The following DRD2 variants were observed in gnomAD, a reference collection of about 807,000 sequenced individuals.
DRD2 encodes dopamine receptor D2.
Under a neutral mutation model 38.0 loss-of-function variants are expected in DRD2, and 8 were observed. The ratio of observed to expected loss-of-function variants is 0.21; its 90% CI spans 0.12 to 0.38. The LOEUF (loss-of-function observed/expected upper bound fraction) is 0.38, where lower values mean the gene tolerates loss of function less well. Among genes scored for constraint, DRD2 ranks in the 10% least tolerant of loss-of-function variants. DRD2 has a pLI of 1.00. For synonymous variants in DRD2, 230 were observed against 238.6 expected, an observed-to-expected ratio of 0.96 and a Z score of 0.33; for missense variants, 403 against 607.7, an observed-to-expected ratio of 0.66 and a Z score of 3.54.
At chr11:113,427,789 T>C (rs1950953434) in intron 1 of DRD2, among the ~76,000 whole-genome samples, 1 of 152,186 alleles carries the variant, frequency 6.6e-6, no homozygotes, top group Non-Finnish European at 1.5e-5. Context: ...CCACAAAATG[T>C]ATATGTTGAA....
At chr11:113,414,803 T>C (rs568392389) in intron 5 of DRD2, among the ~76,000 whole-genome samples, 1 of 152,318 alleles carries the variant, frequency 6.6e-6, no homozygotes, top group Admixed American at 6.5e-5. Context: ...AACAGGCTCA[T>C]AGAAGGTAAG....
chr11:113,448,903 C>A (rs943682815), intron 1 of DRD2, among the ~76,000 whole-genome samples: 1 of 152,184 alleles, frequency 6.6e-6, no homozygotes, highest in Admixed American at 6.5e-5. Flanking sequence ...TTCTTCTCAA[C>A]CCTACCTTTA....
chr11:113,448,220 T>A (rs111372703), intron 1 of DRD2, among the ~76,000 whole-genome samples: 96 of 152,300 alleles, frequency 6.3e-4, no homozygotes, highest in African/African-American at 2.1e-3. Context: ...CCTGTCCTGA[T>A]GAGATCTCTT....
chr11:113,421,214 T>C (rs1043037807), intron 2 of DRD2, among the ~76,000 whole-genome samples: 1 of 152,270 alleles, frequency 6.6e-6, no homozygotes, highest in East Asian at 1.9e-4. Context: ...TCCCTGAAAG[T>C]CTTCCCTGAC....
At chr11:113,466,395 C>A (rs1394849684) in intron 1 of DRD2, among the ~76,000 whole-genome samples, 2 of 151,254 alleles carry the variant, frequency 1.3e-5, no homozygotes, top group African/African-American at 4.8e-5. Context: ...CTGACCTGAA[C>A]AAACACACCT....
intron 1 of DRD2, among the ~76,000 whole-genome samples, chr11:113,427,072 G>C (rs1259663253): frequency 6.6e-6 from 1 of 152,160 alleles, no homozygotes; most frequent in Admixed American, 6.5e-5. Flanking sequence ...GCTGATGATA[G>C]CATCATATAC....
chr11:113,424,438 G>A lies in DRD2; in HGVS notation c.214C>T (p.Leu72=), dbSNP rs1950918045. The A allele has an allele frequency of 1.2e-6, 2 of 1,614,256 alleles. No homozygotes were observed. The highest frequency in any genetic ancestry group is 1.7e-6 in the Non-Finnish European group (2 of 1,180,048). The change falls in exon 2 of 8, where the codon CTG becomes TTG. Residue 72 remains leucine, a synonymous_variant. Coordinates refer to ENST00000362072, the MANE Select transcript of DRD2 (RefSeq NM_000795.4). Reference sequence around the variant, plus strand: ...TCGGCCACTGCGAGGCTGACGATCAGGTAGTTGGTGGTGGTCTGCAGCGCC... The same window carrying A: ...TCGGCCACTGCGAGGCTGACGATCAAGTAGTTGGTGGTGGTCTGCAGCGCC... ...EKALQTTTNY[L]IVSLAVADLL...
At chr11:113,457,017 T>C (rs889420060) in intron 1 of DRD2, among the ~76,000 whole-genome samples, 2 of 152,096 alleles carry the variant, frequency 1.3e-5, no homozygotes, top group Non-Finnish European at 2.9e-5. Flanking sequence ...TGGGCCTCCA[T>C]GTGCAGCATT....
In DRD2 at chr11:113,414,455, A is replaced by C; in HGVS notation, c.730T>G (p.Cys244Gly). The change falls in exon 6 of 8, where the codon TGT (cysteine) becomes GGT (glycine). Residue 244 changes from cysteine (C) to glycine (G), a missense_variant. Transcript: ENST00000362072. ...AHLRAPLKGN[C>G]THPEDMKLCT... Reference sequence around the variant, plus strand: ...AGTTTCATGTCCTCGGGGTGAGTACAGTTGCCCTGTGGAGTGAGCCAGCAC... The same window carrying C: ...AGTTTCATGTCCTCGGGGTGAGTACCGTTGCCCTGTGGAGTGAGCCAGCAC... The C allele has an allele frequency of 6.2e-7, 1 of 1,614,184 alleles. No homozygotes were observed. Among genetic ancestry groups the C allele is most frequent in the Non-Finnish European group, 8.5e-7 (1 of 1,180,034 alleles).
At chr11:113,437,985 C>A (rs1008164043) in intron 1 of DRD2, among the ~76,000 whole-genome samples, 1 of 152,158 alleles carries the variant, frequency 6.6e-6, no homozygotes, top group Non-Finnish European at 1.5e-5. Flanking sequence ...CCAGCTGCCT[C>A]TCCCAGTTGA....
Position 113,431,469 on chromosome 11 carries a change from A to G in DRD2, c.-31-6787T>C, listed in dbSNP as rs1950987285. ...GACTGCATTTGTGTGGTGACCTGCA[A>G]GCTACTGGTCATCAAAGAGCCAAAG... On this transcript the variant is annotated intron_variant, in intron 1 of 7. Coordinates refer to ENST00000362072, the MANE Select transcript of DRD2 (RefSeq NM_000795.4). Among the ~76,000 whole-genome samples, 2 of 152,218 alleles carry G rather than the reference A, an allele frequency of 1.3e-5. 1 individual carries two copies. The highest frequency in any genetic ancestry group is 2.9e-5 in the Non-Finnish European group (2 of 68,030).
At chr11:113,423,479 T>A (rs1280951724) in intron 2 of DRD2, among the ~76,000 whole-genome samples, 1 of 152,186 alleles carries the variant, frequency 6.6e-6, no homozygotes, top group Non-Finnish European at 1.5e-5. Flanking sequence ...TTTCACCATG[T>A]TGGCCAGGCT....
At chr11:113,431,041 TG>T (rs569899390) in intron 1 of DRD2, among the ~76,000 whole-genome samples, 25 of 152,356 alleles carry the variant, frequency 1.6e-4, no homozygotes, top group African/African-American at 5.3e-4. Flanking sequence ...ATGATCAACT[TG>T]CTCACCACCC....
intron 4 of DRD2, 133 bp from the exon 5 acceptor site, chr11:113,415,744 G>T: frequency 1.0e-6 from 1 of 990,544 alleles, no homozygotes; most frequent in Non-Finnish European, 1.5e-6. Flanking sequence ...AGATGTTTAA[G>T]GCTGCCTGGT....
At chr11:113,441,699 A>G (rs188571047) in intron 1 of DRD2, among the ~76,000 whole-genome samples, 11 of 152,268 alleles carry the variant, frequency 7.2e-5, no homozygotes, top group African/African-American at 2.2e-4. Flanking sequence ...GGATGGAAAA[A>G]GAAGCTACAC....
intron 1 of DRD2, among the ~76,000 whole-genome samples, chr11:113,447,274 G>GTGATGT (rs1408783960): frequency 6.6e-6 from 1 of 152,144 alleles, no homozygotes; most frequent in Non-Finnish European, 1.5e-5. Context: ...CTCAGGCTCC[G>GTGATGT]TGATGTTGTT....
intron 1 of DRD2, among the ~76,000 whole-genome samples, chr11:113,456,309 T>C (rs1048946243): frequency 2.6e-5 from 4 of 152,202 alleles, no homozygotes; most frequent in Non-Finnish European, 5.9e-5. Context: ...GACTAAGTTT[T>C]AATTAGGCAA....
At chr11:113,415,320 C>A in intron 5 of DRD2, 101 bp downstream of exon 5, 1 of 1,449,872 alleles carries the variant, frequency 6.9e-7, no homozygotes, top group African/African-American at 1.4e-5. Context: ...TAGACCTAAC[C>A]CTTGCTGAGG....
At chr11:113,417,660 A>G (rs1229509906) in intron 3 of DRD2, among the ~76,000 whole-genome samples, 1 of 152,166 alleles carries the variant, frequency 6.6e-6, no homozygotes, top group African/African-American at 2.4e-5. Flanking sequence ...GGTGTCATCA[A>G]TGTAGGTTTC....
Sources: allele counts gnomAD v4.1 joint callset (sites outside exome capture counted in the v4.1 genomes callset), GRCh38; gene constraint gnomAD v4.1.1; transcripts MANE v1.5; gene names NCBI Gene and HGNC (gene_info 2026-07-23, HGNC 2026-07-21).